The following CLSTN1 variants were observed in gnomAD, a reference collection of about 807,000 sequenced individuals.
The protein encoded by CLSTN1 is calsyntenin-1.
A neutral mutation model predicts 108.3 loss-of-function variants in CLSTN1; 28 were observed. The observed-to-expected ratio is 0.26, with a 90% CI of 0.19 to 0.35. CLSTN1 has a LOEUF of 0.35. Ranked by LOEUF, CLSTN1 falls within the 10% of genes least tolerant of loss-of-function variation. The probability of loss-of-function intolerance (pLI) is 1.00; values close to 1 mark genes in which losing one functional copy is unlikely to be tolerated. For synonymous variants in CLSTN1, 524 were observed against 534.9 expected (o/e 0.98, Z 0.28); for missense variants, 1,157 against 1,302.6 (o/e 0.89, Z 1.72).
intron 1 of CLSTN1, among the ~76,000 whole-genome samples, chr1:9,802,467 C>T (rs1654317022): frequency 6.6e-6 from 1 of 152,192 alleles, no homozygotes; most frequent in Admixed American, 6.5e-5. Flanking sequence ...TACAAATTTT[C>T]AAATAATGTG....
chr1:9,777,609 A>G (rs1004266573), intron 1 of CLSTN1, among the ~76,000 whole-genome samples: 10 of 152,204 alleles, frequency 6.6e-5, no homozygotes, highest in Non-Finnish European at 1.2e-4. Context: ...ACATTCACAT[A>G]AACAATATTT....
chr1:9,806,349 CA>C (rs1654506984), intron 1 of CLSTN1, among the ~76,000 whole-genome samples: 1 of 152,082 alleles, frequency 6.6e-6, no homozygotes, highest in Non-Finnish European at 1.5e-5. Flanking sequence ...CTTTAAAGTC[CA>C]TGGTAATTTT....
intron 2 of CLSTN1, among the ~76,000 whole-genome samples, chr1:9,758,993 ATG>A (rs1376957907): frequency 6.6e-6 from 1 of 152,094 alleles, no homozygotes; most frequent in Non-Finnish European, 1.5e-5. Context: ...AAATCAAACA[ATG>A]TGAAAAATCC....
intron 1 of CLSTN1, among the ~76,000 whole-genome samples, chr1:9,788,396 C>T (rs977405001): frequency 1.3e-5 from 2 of 150,978 alleles, no homozygotes. Flanking sequence ...CATGGTGAAA[C>T]CCCATCTCTA....
chr1:9,793,438 T>TA (rs1653856035), intron 1 of CLSTN1, among the ~76,000 whole-genome samples: 2 of 151,508 alleles, frequency 1.3e-5, no homozygotes, highest in Non-Finnish European at 2.9e-5. Context: ...ACAACCCTGT[T>TA]AAACTGCACC....
chr1:9,800,480 G>C (rs777230590), intron 1 of CLSTN1, among the ~76,000 whole-genome samples: 2 of 150,728 alleles, frequency 1.3e-5, no homozygotes, highest in African/African-American at 2.4e-5. Flanking sequence ...AGAACTTTGG[G>C]AGGCCGAGAC....
chr1:9,803,632 G>A (rs539189961), intron 1 of CLSTN1, among the ~76,000 whole-genome samples: 133 of 152,034 alleles, frequency 8.7e-4, no homozygotes, highest in African/African-American at 2.4e-3. Flanking sequence ...GTGAAATCCC[G>A]TCTCTACTAA....
At chr1:9,751,748 T>C in intron 4 of CLSTN1, 67 bp from the exon 5 acceptor site, 1 of 1,407,968 alleles carries the variant, frequency 7.1e-7, no homozygotes, top group Non-Finnish European at 1.0e-6. Context: ...ACAGAGAGTG[T>C]GTATGTGTGT....
chr1:9,756,553 G>A (rs1440136484), intron 2 of CLSTN1, 43 bp from the exon 3 acceptor site: 3 of 1,564,272 alleles, frequency 1.9e-6, no homozygotes, highest in Non-Finnish European at 2.6e-6. Context: ...ATACAGGAAA[G>A]AATGAAGATG....
rs769162588 is a variant in CLSTN1, at chr1:9,730,475, G to C, written c.*33C>G. ...GAGAACGGATGGCAGCAGAGTCTTC[G>C]AAAGCAGAAACCGAGGTGGCCGGGG... On this transcript the variant is annotated 3_prime_UTR_variant, in exon 19 of 19. Coordinates refer to ENST00000377298, the MANE Select transcript of CLSTN1 (RefSeq NM_001009566.3). The surrounding 1 kb of genome is among the most constrained non-coding windows in gnomAD (Gnocchi z 5.6). The C allele has an allele frequency of 6.3e-7, 1 of 1,587,850 alleles. No homozygotes were observed. The highest frequency in any genetic ancestry group is 1.1e-5 in the South Asian group (1 of 90,798).
chr1:9,756,522 AAAGAT>A lies in CLSTN1; in HGVS notation c.215-17_215-13del. On this transcript the variant is annotated splice_polypyrimidine_tract_variant and intron_variant, in intron 2 of 18. Coordinates refer to ENST00000377298, the MANE Select transcript of CLSTN1 (RefSeq NM_001009566.3). ...CACCTCAAAACTCTCTAAAGGGAGAAAAGATAAGCCCATGTCAGTAATACAGGAAA... is the reference window on the plus strand; with the variant it reads ...CACCTCAAAACTCTCTAAAGGGAGAAAAGCCCATGTCAGTAATACAGGAAA... 1 of 1,611,824 alleles carries A rather than the reference AAAGAT, an allele frequency of 6.2e-7. No homozygotes were observed. Among genetic ancestry groups the A allele is most frequent in the South Asian group, 1.1e-5 (1 of 91,010 alleles).
intron 16 of CLSTN1, 124 bp downstream of exon 16, chr1:9,733,277 A>T: frequency 8.2e-7 from 1 of 1,213,950 alleles, no homozygotes; most frequent in Middle Eastern, 2.6e-4. Flanking sequence ...GACCCCCTAG[A>T]ATGAGCCTGT....
chr1:9,821,375 C>T (rs570453492), intron 1 of CLSTN1, among the ~76,000 whole-genome samples: 2 of 152,270 alleles, frequency 1.3e-5, no homozygotes, highest in Admixed American at 1.3e-4. Context: ...TCAGGTGATC[C>T]GCTGGCCTCG....
At chr1:9,824,510 A>G (rs1197768843), upstream of CLSTN1, 2 of 152,336 alleles carry the variant, frequency 1.3e-5, no homozygotes, top group African/African-American at 2.4e-5. This position sits in a 1 kb window ranked among gnomAD's most constrained non-coding sequence, Gnocchi z 5.0. Context: ...GGGGTCACGA[A>G]AGGGGGTCCA....
At chr1:9,794,907 C>G in intron 1 of CLSTN1, among the ~76,000 whole-genome samples, 1 of 151,070 alleles carries the variant, frequency 6.6e-6, no homozygotes, top group East Asian at 2.0e-4. Context: ...ACAGTCCACA[C>G]AGTATTCAAG....
At chr1:9,800,476 T>A (rs1000501935) in intron 1 of CLSTN1, among the ~76,000 whole-genome samples, 1 of 150,158 alleles carries the variant, frequency 6.7e-6, no homozygotes, top group East Asian at 2.0e-4. Context: ...TCCCAGAACT[T>A]TGGGAGGCCG....
intron 3 of CLSTN1, 138 bp downstream of exon 3, chr1:9,756,343 A>T: frequency 1.4e-6 from 1 of 694,642 alleles, no homozygotes; most frequent in Non-Finnish European, 2.5e-6. Flanking sequence ...AATATACTTT[A>T]AAATAGAAAC....
intron 1 of CLSTN1, among the ~76,000 whole-genome samples, chr1:9,777,212 T>C (rs765189113): frequency 1.1e-5 from 1 of 92,914 alleles, no homozygotes; most frequent in Non-Finnish European, 2.1e-5. Context: ...AGAGCGAGAC[T>C]GTCTCAAAAA....
intron 1 of CLSTN1, chr1:9,781,340 T>G: frequency 1.9e-6 from 1 of 523,420 alleles, no homozygotes; most frequent in Non-Finnish European, 3.5e-6. Context: ...TGCAGCAGTG[T>G]AGAAAAATTT....
Sources: gnomAD v4.1 joint callset for allele counts (sites outside exome capture counted in the v4.1 genomes callset) on GRCh38, gnomAD v4.1.1 for gene constraint, Gnocchi (gnomAD v3.1) non-coding constraint, MANE v1.5 for transcripts, NCBI Gene and HGNC (gene_info 2026-07-23, HGNC 2026-07-21) for gene names.